IQSEC3: variants seen among roughly 807,000 people sequenced by gnomAD.
The protein encoded by IQSEC3 is IQ motif and SEC7 domain-containing protein 3.
Under a neutral mutation model 105.4 loss-of-function variants are expected in IQSEC3, and 50 were observed. The observed-to-expected ratio is 0.47, with a 90% CI of 0.38 to 0.60. The LOEUF is 0.60. Among genes scored for constraint, IQSEC3 ranks in the 20% least tolerant of loss-of-function variants. IQSEC3 has a pLI of 0.00. For missense variants in IQSEC3, 1,415 were observed against 1,630.0 expected, an observed-to-expected ratio of 0.87 and a Z score of 2.27; for synonymous variants, 708 against 746.0, an observed-to-expected ratio of 0.95 and a Z score of 0.83.
At chr12:75,894 C>CA (rs1196890602) in intron 1 of IQSEC3, among the ~76,000 whole-genome samples, 4 of 152,236 alleles carry the variant, frequency 2.6e-5, no homozygotes, top group African/African-American at 9.7e-5. Flanking sequence ...CTCAGAGGTT[C>CA]AGTTCTTCAG....
chr12:134,654 G>A (rs74481420), intron 3 of IQSEC3, among the ~76,000 whole-genome samples: 7,672 of 152,162 alleles, frequency 0.05, 232 homozygotes, highest in East Asian at 0.15. Context: ...AGCACTTTGG[G>A]AGGCCAAGGT....
chr12:136,305 A>C (rs1243747085), intron 3 of IQSEC3, among the ~76,000 whole-genome samples: 1 of 152,224 alleles, frequency 6.6e-6, no homozygotes, highest in Non-Finnish European at 1.5e-5. Flanking sequence ...GGAGGCAAGC[A>C]CTAAGGATGT....
intron 5 of IQSEC3, chr12:148,863 A>C (rs1866391140): frequency 6.6e-6 from 1 of 152,064 alleles, no homozygotes; most frequent in South Asian, 2.1e-4. Context: ...CTTCCAGCCA[A>C]TTAAAAATCC....
At position 138,686 on chromosome 12, in the gene IQSEC3, G is replaced by C. The variant is rs782818988; in HGVS notation, c.1323G>C (p.Gln441His). Residue 441 changes from glutamine to histidine, a missense_variant, in exon 4 of 14, where the codon CAG becomes CAC. By Grantham distance (24) the Gln-to-His change is conservative. This residue lies in a region of IQSEC3 where 720 missense variants were observed against 633.0 expected (regional missense o/e 1.14). Coordinates refer to ENST00000538872, the MANE Select transcript of IQSEC3 (RefSeq NM_001170738.2). The surrounding 1 kb of genome is among the most constrained non-coding windows in gnomAD (Gnocchi z 7.1). ...CTTACCAGCTCCACCAGGCCCTGCA[G>C]GCGGCCGCGGGGCCCCCAGGCCTGG... ...SGAYQLHQAL[Q>H]AAAGPPGLEA... The C allele has an allele frequency of 6.5e-7, 1 of 1,537,784 alleles. No individual in the cohort carries two copies. Among genetic ancestry groups the C allele is most frequent in the Non-Finnish European group, 8.7e-7 (1 of 1,147,372 alleles).
At chr12:70,147 T>C (rs1203566109) in intron 1 of IQSEC3, among the ~76,000 whole-genome samples, 8 of 152,184 alleles carry the variant, frequency 5.3e-5, no homozygotes, top group South Asian at 2.1e-4. Flanking sequence ...GGCTGAAGAG[T>C]GGGTGAGGGT....
chr12:138,032 C>G lies in IQSEC3; in HGVS notation c.904-235C>G, dbSNP rs1189261153. On this transcript the variant is annotated intron_variant, in intron 3 of 13. Transcript: ENST00000538872. The surrounding 1 kb of genome is among the most constrained non-coding windows in gnomAD (Gnocchi z 7.1). ...CCATATGCAGCACCTCCCTCCTGGC[C>G]CTTGAGACATCACTAGTCCCCAGAA... Among the ~76,000 whole-genome samples the G allele has an allele frequency of 6.6e-6, 1 of 152,118 alleles. No homozygotes were observed. Among genetic ancestry groups the G allele is most frequent in the African/African-American group, 2.4e-5 (1 of 41,424 alleles).
chr12:102,123 TC>T lies in IQSEC3; in HGVS notation c.623+2914del, dbSNP rs1268285566. On this transcript the variant is annotated intron_variant, in intron 2 of 13. Transcript: ENST00000538872. ...GCTCCTCCCCCATCAGTCTGGCTCC[TC>T]CCCCGTCAGTCTGGCTCCTCCCCCA... Among the ~76,000 whole-genome samples the T allele has an allele frequency of 1.4e-3, 169 of 122,318 alleles. 3 individuals carry two copies. The highest frequency in any genetic ancestry group is 1.0e-4 in the Non-Finnish European group (6 of 59,540). The allele number at this position is 122,318 out of a possible 152,430, so 80.2% of individuals were successfully genotyped here.
rs1328504154 is a variant in IQSEC3 at position 66,776 on chromosome 12, C to T, written c.-107C>T. 2.8e-4 allele frequency: 278 copies of T among 988,280 alleles called. No individual in the cohort carries two copies. In the East Asian group the frequency reaches 9.1e-3, roughly 32 times the overall value. The allele number at this position is 988,280 out of a possible 1,614,324, so 61.2% of individuals were successfully genotyped here. ...GCCGGCGGGGGGAGGGAGGCTGGGC[C>T]GGTGGGAGAGGGAGGCGAGCCGACC... On this transcript the variant is annotated 5_prime_UTR_variant, in exon 1 of 14. Coordinates refer to ENST00000538872, the MANE Select transcript of IQSEC3 (RefSeq NM_001170738.2).
At chr12:79,465 CTG>C (rs1863671225) in intron 1 of IQSEC3, among the ~76,000 whole-genome samples, 1 of 152,184 alleles carries the variant, frequency 6.6e-6, no homozygotes, top group Non-Finnish European at 1.5e-5. Flanking sequence ...GATGGTGACT[CTG>C]TCACCCAGGC....
intron 2 of IQSEC3, among the ~76,000 whole-genome samples, chr12:122,771 G>T (rs552123987): frequency 6.6e-6 from 1 of 152,292 alleles, no homozygotes; most frequent in Admixed American, 6.5e-5. Flanking sequence ...ATCAAGGGAC[G>T]TCGGCACCCA....
intron 1 of IQSEC3, among the ~76,000 whole-genome samples, chr12:89,599 C>G (rs1864019564): frequency 6.6e-6 from 1 of 151,454 alleles, no homozygotes; most frequent in Non-Finnish European, 1.5e-5. Context: ...TTTGTTCCCT[C>G]TTACAGTTCA....
intron 2 of IQSEC3, among the ~76,000 whole-genome samples, chr12:117,594 G>T (rs1184072313): frequency 2.6e-5 from 4 of 152,186 alleles, no homozygotes; most frequent in African/African-American, 9.7e-5. Context: ...AGTGGCCGGG[G>T]TATTCTGGCC....
At chr12:168,925 C>A in intron 11 of IQSEC3, 88 bp from the exon 12 acceptor site, 1 of 1,093,258 alleles carries the variant, frequency 9.1e-7, no homozygotes, top group Non-Finnish European at 1.4e-6. Flanking sequence ...CCTCTTCCTC[C>A]CCTTTCTGCT....
intron 2 of IQSEC3, among the ~76,000 whole-genome samples, chr12:119,175 C>G (rs1865141488): frequency 6.6e-6 from 1 of 152,322 alleles, no homozygotes; most frequent in South Asian, 2.1e-4. Context: ...CACTCAGGCT[C>G]TCTTCCGTTT....
At chr12:94,993 A>G (rs1864201168) in intron 1 of IQSEC3, among the ~76,000 whole-genome samples, 1 of 152,222 alleles carries the variant, frequency 6.6e-6, no homozygotes, top group South Asian at 2.1e-4. Context: ...CTGCACACCT[A>G]GGTCCACCTA....
At chr12:142,854 C>T (rs1283983519) in intron 5 of IQSEC3, among the ~76,000 whole-genome samples, 1 of 152,206 alleles carries the variant, frequency 6.6e-6, no homozygotes, top group Non-Finnish European at 1.5e-5. Context: ...GGCTTTCCTG[C>T]ACTGTTGTCC....
chr12:125,017 A>AC (rs559175793), intron 2 of IQSEC3, among the ~76,000 whole-genome samples: 93 of 152,256 alleles, frequency 6.1e-4, no homozygotes, highest in African/African-American at 2.1e-3. Flanking sequence ...ACCCCCCTGG[A>AC]AAGGCTTATG....
intron 2 of IQSEC3, among the ~76,000 whole-genome samples, chr12:117,986 T>C (rs1555081035): frequency 1.3e-5 from 2 of 152,174 alleles, no homozygotes; most frequent in Non-Finnish European, 2.9e-5. Flanking sequence ...ACAGCGGGTG[T>C]GGCCAGGGCC....
At chr12:80,819 G>A (rs1555070543) in intron 1 of IQSEC3, among the ~76,000 whole-genome samples, 1 of 152,220 alleles carries the variant, frequency 6.6e-6, no homozygotes, top group African/African-American at 2.4e-5. Context: ...GACAGCACCT[G>A]AGCAAAGTCC....
Sources: gnomAD v4.1 joint callset for allele counts (sites outside exome capture counted in the v4.1 genomes callset) on GRCh38, gnomAD v4.1.1 for gene constraint, gnomAD v4.1.1 regional missense constraint, Gnocchi (gnomAD v3.1) non-coding constraint, MANE v1.5 for transcripts, NCBI Gene and HGNC (gene_info 2026-07-23, HGNC 2026-07-21) for gene names.